Variants in AKNAD1 observed in about 807,000 individuals in gnomAD.
AKNAD1 encodes the protein AKNA domain containing 1, also known as protein AKNAD1.
A neutral mutation model predicts 90.8 loss-of-function variants in AKNAD1; 67 were observed. The ratio of observed to expected loss-of-function variants is 0.74; its 90% CI spans 0.61 to 0.90. The LOEUF (loss-of-function observed/expected upper bound fraction) is 0.90, where lower values mean the gene tolerates loss of function less well. AKNAD1 is among the 40% of genes least tolerant of loss of function. The pLI is 0.00. For missense variants in AKNAD1, 957 were observed against 975.4 expected, an observed-to-expected ratio of 0.98 and a Z score of 0.25; for synonymous variants, 327 against 341.4, an observed-to-expected ratio of 0.96 and a Z score of 0.46.
At chr1:108,816,609 A>T (rs1277216) in intron 15 of AKNAD1, among the ~76,000 whole-genome samples, 4 of 151,930 alleles carry the variant, frequency 2.6e-5, no homozygotes, top group African/African-American at 7.3e-5. Flanking sequence ...CAGCTCTTAG[A>T]GGCCATTGAT....
chr1:108,855,888 T>TG (rs1665020620), intron 1 of AKNAD1, among the ~76,000 whole-genome samples: 1 of 150,552 alleles, frequency 6.6e-6, no homozygotes, highest in African/African-American at 2.4e-5. Flanking sequence ...CTTTTTTTTT[T>TG]TTTTTTTAGA....
intron 5 of AKNAD1, among the ~76,000 whole-genome samples, 176 bp downstream of exon 5, chr1:108,848,572 AATAG>A (rs889276675): frequency 1.3e-5 from 2 of 152,216 alleles, no homozygotes; most frequent in African/African-American, 4.8e-5. Flanking sequence ...AAGAGGGCTA[AATAG>A]ATAGAGAAAC....
At chr1:108,839,471 T>TAAAAAAAAAAAG (rs1553203224) in intron 6 of AKNAD1, among the ~76,000 whole-genome samples, 10 of 126,166 alleles carry the variant, frequency 7.9e-5, no homozygotes, top group Admixed American at 5.4e-4. Context: ...TCCGTCTCAA[T>TAAAAAAAAAAAG]AAAAAAAAAA....
In AKNAD1 at chr1:108,830,518, C is replaced by T. The variant is rs755555676; in HGVS notation, c.1838+41G>A. 2.0e-5 allele frequency: 32 copies of T among 1,596,126 alleles called. No individual in the cohort carries two copies. In the South Asian group the frequency reaches 3.3e-4, roughly 16 times the overall value. Reference sequence around the variant, plus strand: ...ACTGGAGTTACTATGCCAGGACTGACTCCAATCCACCCTGGGAATGTAGCC... The same window carrying T: ...ACTGGAGTTACTATGCCAGGACTGATTCCAATCCACCCTGGGAATGTAGCC... On this transcript the variant is annotated intron_variant, in intron 10 of 15. Coordinates refer to ENST00000370001, the MANE Select transcript of AKNAD1 (RefSeq NM_152763.5).
intron 9 of AKNAD1, 43 bp from the exon 10 acceptor site, chr1:108,830,693 G>T (rs1210308621): frequency 6.3e-7 from 1 of 1,595,630 alleles, no homozygotes; most frequent in South Asian, 1.1e-5. Context: ...TAGAGGATGT[G>T]ACTCACGCCG....
At chr1:108,821,246 TTCAAGACCAGCCTGG>T (rs1168523970) in intron 13 of AKNAD1, among the ~76,000 whole-genome samples, 1 of 151,868 alleles carries the variant, frequency 6.6e-6, no homozygotes, top group African/African-American at 2.4e-5. Flanking sequence ...AGGTCAGGAG[TTCAAGACCAGCCTGG>T]TCAACATGGT....
At chr1:108,841,046 A>G (rs545798786) in intron 6 of AKNAD1, among the ~76,000 whole-genome samples, 4 of 152,010 alleles carry the variant, frequency 2.6e-5, no homozygotes, top group Non-Finnish European at 5.9e-5. Flanking sequence ...GGTGGCATGC[A>G]CCTTTAATCC....
chr1:108,825,800 A>G (rs1378605821), intron 11 of AKNAD1, among the ~76,000 whole-genome samples: 12 of 151,764 alleles, frequency 7.9e-5, no homozygotes, highest in Admixed American at 7.3e-4. Flanking sequence ...AGATAATTTT[A>G]TTTATTATGG....
chr1:108,820,762 T>C (rs1328389326), intron 13 of AKNAD1, 136 bp from the exon 14 acceptor site: 5 of 587,148 alleles, frequency 8.5e-6, no homozygotes, highest in African/African-American at 1.9e-5. Context: ...CTGGGAAACA[T>C]AGACAACAAA....
chr1:108,841,916 T>A (rs917813180), intron 6 of AKNAD1, among the ~76,000 whole-genome samples: 1 of 152,160 alleles, frequency 6.6e-6, no homozygotes, highest in Non-Finnish European at 1.5e-5. Context: ...TTATTTATAC[T>A]CATGCCAGGC....
chr1:108,845,151 G>A (rs1293615865), intron 5 of AKNAD1, among the ~76,000 whole-genome samples: 2 of 152,120 alleles, frequency 1.3e-5, no homozygotes, highest in Non-Finnish European at 2.9e-5. Context: ...GAATAAACAA[G>A]AGTTTGGAAA....
chr1:108,845,807 G>A (rs1219659453), intron 5 of AKNAD1, among the ~76,000 whole-genome samples: 2 of 152,210 alleles, frequency 1.3e-5, no homozygotes, highest in Admixed American at 6.5e-5. Flanking sequence ...GATGTCCGAA[G>A]TGAAGAGAGA....
intron 6 of AKNAD1, 133 bp from the exon 7 acceptor site, chr1:108,837,839 A>G (rs1664432051): frequency 1.0e-6 from 1 of 998,168 alleles, no homozygotes; most frequent in South Asian, 1.6e-5. Flanking sequence ...GGATAATGGG[A>G]GCCCGCATGA....
chr1:108,821,822 CTCCCTTCTCCCCT>C (rs1305624032), intron 13 of AKNAD1, among the ~76,000 whole-genome samples: 1 of 141,220 alleles, frequency 7.1e-6, no homozygotes, highest in Non-Finnish European at 1.5e-5. Flanking sequence ...GTCACCAAGG[CTCCCTTCTCCCCT>C]TCCCTTTCCC....
chr1:108,834,814 C>T (rs41278492), intron 8 of AKNAD1, 115 bp downstream of exon 8: 69,478 of 1,452,154 alleles, frequency 0.048, 1,978 homozygotes, highest in East Asian at 0.14. Context: ...CTTTGTAACT[C>T]GTGGTCCAAG....
At chr1:108,841,833 T>G (rs1149147) in intron 6 of AKNAD1, among the ~76,000 whole-genome samples, 140,303 of 152,172 alleles carry the variant, frequency 0.92, 64,810 homozygotes, top group East Asian at 0.99. Flanking sequence ...TTTGGGAAAG[T>G]CTGGGTCCCT....
At chr1:108,850,087 G>A (rs1425124077) in intron 2 of AKNAD1, among the ~76,000 whole-genome samples, 2 of 152,164 alleles carry the variant, frequency 1.3e-5, no homozygotes, top group Non-Finnish European at 2.9e-5. Context: ...GATGCATTAA[G>A]TTCCAAACTG....
At position 108,856,731 on chromosome 1, in the gene AKNAD1, AAC is replaced by A. The variant is rs529635693; in HGVS notation, c.-104+196_-104+197del. 7.5e-3 allele frequency among the ~76,000 whole-genome samples: 1,083 copies of A among 145,294 alleles called. 6 individuals are homozygous for A. Among genetic ancestry groups the A allele is most frequent in the Non-Finnish European group, 0.012 (800 of 67,372 alleles). On this transcript the variant is annotated intron_variant, in intron 1 of 15. Transcript: ENST00000370001. Reference sequence around the variant, plus strand: ...TCTCTCTCTCTCTCACACACACATAAACACACACACACAAACACACACACAGA... The same window carrying A: ...TCTCTCTCTCTCTCACACACACATAAACACACACACAAACACACACACAGA...
chr1:108,833,787 A>G (rs1570808515), intron 9 of AKNAD1, among the ~76,000 whole-genome samples: 1 of 150,854 alleles, frequency 6.6e-6, no homozygotes, highest in African/African-American at 2.4e-5. Flanking sequence ...CTCCACTGAC[A>G]TTTAAGGCAG....
Sources: allele counts gnomAD v4.1 joint callset (sites outside exome capture counted in the v4.1 genomes callset), GRCh38; gene constraint gnomAD v4.1.1; transcripts MANE v1.5; gene names NCBI Gene and HGNC (gene_info 2026-07-23, HGNC 2026-07-21).